GMEB2: variants seen among roughly 807,000 people sequenced by gnomAD.
The protein encoded by GMEB2 is glucocorticoid modulatory element-binding protein 2.
A neutral mutation model predicts 45.7 loss-of-function variants in GMEB2; 7 were observed. That is an observed-to-expected ratio of 0.15 (90% CI 0.09 to 0.29). The LOEUF is 0.29. GMEB2 is among the 10% of genes least tolerant of loss of function. GMEB2 has a pLI of 1.00. For synonymous variants in GMEB2, 322 were observed against 323.6 expected, an observed-to-expected ratio of 1.00 and a Z score of 0.05; for missense variants, 582 against 739.2, an observed-to-expected ratio of 0.79 and a Z score of 2.47.
At chr20:63,597,543 C>T (rs1025871218) in intron 5 of GMEB2, among the ~76,000 whole-genome samples, 10 of 152,170 alleles carry the variant, frequency 6.6e-5, no homozygotes, top group Admixed American at 5.9e-4. Context: ...ACTGACAAAA[C>T]AATTCTAAAA....
At chr20:63,608,691 C>G (rs1319862118) in intron 2 of GMEB2, among the ~76,000 whole-genome samples, 1 of 46,966 alleles carries the variant, frequency 2.1e-5, no homozygotes, top group Admixed American at 1.5e-4. Context: ...ACATGTCCCT[C>G]TGACCCCACA....
chr20:63,595,826 C>T (rs576434628), intron 5 of GMEB2, 59 bp from the exon 6 acceptor site: 2 of 1,545,654 alleles, frequency 1.3e-6, no homozygotes, highest in Non-Finnish European at 1.8e-6. Flanking sequence ...GGCACCTGGC[C>T]CGCCCACCCT....
intron 1 of GMEB2, among the ~76,000 whole-genome samples, chr20:63,626,418 CGGGTG>C: frequency 2.2e-5 from 1 of 44,516 alleles, no homozygotes; most frequent in Non-Finnish European, 6.5e-5. Flanking sequence ...CCCTGCGGGT[CGGGTG>C]CCTGCGGGGT....
intron 1 of GMEB2, among the ~76,000 whole-genome samples, chr20:63,626,059 T>A (rs934649612): frequency 6.6e-6 from 1 of 152,226 alleles, no homozygotes; most frequent in African/African-American, 2.4e-5. Flanking sequence ...ACCAAATAGA[T>A]AACATGCCAT....
At chr20:63,599,130 C>T (rs1322156780) in intron 4 of GMEB2, among the ~76,000 whole-genome samples, 2 of 152,166 alleles carry the variant, frequency 1.3e-5, no homozygotes, top group Non-Finnish European at 2.9e-5. Context: ...CACTCCTGAC[C>T]CCCCAGAGCT....
Position 63,593,702 on chromosome 20 carries a change from G to C in GMEB2, c.620-620C>G, listed in dbSNP as rs2083171079. Among the ~76,000 whole-genome samples the C allele has an allele frequency of 6.6e-6, 1 of 152,024 alleles. No homozygotes were observed. Among genetic ancestry groups the C allele is most frequent in the South Asian group, 2.1e-4 (1 of 4,824 alleles). ...GGCCATTTTGGGCGTTGCTGATAGAGACTTTATACACAGATCTGGCTTAAA... is the reference window on the plus strand; with the variant it reads ...GGCCATTTTGGGCGTTGCTGATAGACACTTTATACACAGATCTGGCTTAAA... On this transcript the variant is annotated intron_variant, in intron 6 of 9. Transcript: ENST00000370077. The surrounding 1 kb of genome is among the most constrained non-coding windows in gnomAD (Gnocchi z 4.7).
At chr20:63,598,588 G>A (rs527301509) in intron 4 of GMEB2, among the ~76,000 whole-genome samples, 16 of 152,300 alleles carry the variant, frequency 1.1e-4, no homozygotes, top group Middle Eastern at 3.4e-3. Context: ...GGAGGCCCGA[G>A]TACGGGGGCC....
chr20:63,625,822 T>G (rs1421838223), intron 1 of GMEB2, among the ~76,000 whole-genome samples: 4 of 152,044 alleles, frequency 2.6e-5, no homozygotes, highest in African/African-American at 4.8e-5. Context: ...GCTCTCAAAC[T>G]CCTGACCTCA....
chr20:63,602,124 T>C (rs1047728892), intron 4 of GMEB2, among the ~76,000 whole-genome samples: 3 of 152,262 alleles, frequency 2.0e-5, no homozygotes, highest in African/African-American at 7.2e-5. Context: ...AAACCTGAGA[T>C]AAAGGTGAAT....
intron 2 of GMEB2, among the ~76,000 whole-genome samples, chr20:63,609,752 AC>A (rs146705127): frequency 3.2e-4 from 18 of 56,450 alleles, no homozygotes; most frequent in African/African-American, 7.9e-4. Context: ...TGTCCCTCTG[AC>A]CCCACCTCCA....
chr20:63,593,151 C>A lies in GMEB2; in HGVS notation c.620-69G>T. 1 of 867,128 alleles carries A rather than the reference C, an allele frequency of 1.2e-6. No homozygotes were observed. The highest frequency in any genetic ancestry group is 1.9e-6 in the Non-Finnish European group (1 of 516,872). The allele number at this position is 867,128 out of a possible 1,614,324, so 53.7% of individuals were successfully genotyped here. A position where few individuals can be genotyped will look rare whatever the true frequency, so the allele number is the denominator to read the frequency against. ...AGTCCCACACCCCACATACCCTGTC[C>A]ACCCTCCTCACACCACCTTCTGAAC... is the stretch of plus-strand genomic sequence containing the variant. On this transcript the variant is annotated intron_variant, in intron 6 of 9. Transcript: ENST00000370077. The surrounding 1 kb of genome is among the most constrained non-coding windows in gnomAD (Gnocchi z 4.7).
chr20:63,614,308 T>C (rs1182725410), intron 2 of GMEB2, among the ~76,000 whole-genome samples: 2 of 152,110 alleles, frequency 1.3e-5, no homozygotes, highest in Non-Finnish European at 2.9e-5. Flanking sequence ...AACTAGGCCA[T>C]ACAGAGATAG....
Position 63,592,250 on chromosome 20 carries a change from T to C in GMEB2, c.830-106A>G, listed in dbSNP as rs2083153677. 9.3e-6 allele frequency: 10 copies of C among 1,073,814 alleles called. No individual in the cohort carries two copies. The highest frequency in any genetic ancestry group is 1.4e-5 in the Non-Finnish European group (10 of 738,698). The allele number at this position is 1,073,814 out of a possible 1,614,324, so 66.5% of individuals were successfully genotyped here. A position where few individuals can be genotyped will look rare whatever the true frequency, so the allele number is the denominator to read the frequency against. ...CCTTCCTAGAGAGTCACGTGGACGCTCGGTGAGAGCCTGGGCTCTTCCTAG... is the reference window on the plus strand; with the variant it reads ...CCTTCCTAGAGAGTCACGTGGACGCCCGGTGAGAGCCTGGGCTCTTCCTAG... On this transcript the variant is annotated intron_variant, in intron 8 of 9. Transcript: ENST00000370077. The surrounding 1 kb of genome is among the most constrained non-coding windows in gnomAD (Gnocchi z 8.2).
intron 2 of GMEB2, among the ~76,000 whole-genome samples, chr20:63,616,803 A>G (rs1601031618): frequency 1.3e-5 from 2 of 152,224 alleles, no homozygotes; most frequent in African/African-American, 4.8e-5. Flanking sequence ...GCCCCTGCCT[A>G]CAGGACCCTG....
At chr20:63,624,089 G>A (rs537366615) in intron 1 of GMEB2, among the ~76,000 whole-genome samples, 31 of 147,714 alleles carry the variant, frequency 2.1e-4, no homozygotes, top group Non-Finnish European at 4.0e-4. Flanking sequence ...CAGCCTGGGC[G>A]ACAGAGCAAG....
Position 63,593,457 on chromosome 20 carries a change from C to T in GMEB2, c.620-375G>A, listed in dbSNP as rs748674955. Among the ~76,000 whole-genome samples, 6 of 151,964 alleles carry T rather than the reference C, an allele frequency of 3.9e-5. No individual in the cohort carries two copies. The highest frequency in any genetic ancestry group is 2.1e-4 in the South Asian group (1 of 4,808). ...CCTTCTGCTTGACTTGTTTTCCCAC[C>T]GAGAGCTCTGCGGCTGCGTCTGTCG... On this transcript the variant is annotated intron_variant, in intron 6 of 9. Transcript: ENST00000370077. The surrounding 1 kb of genome is among the most constrained non-coding windows in gnomAD (Gnocchi z 4.7).
At position 63,592,650 on chromosome 20, in the gene GMEB2, G is replaced by T; in HGVS notation, c.712C>A (p.Arg238=). Reference sequence around the variant, plus strand: ...AGCAGGCCGGCGTCCTTCAGCCCCCGCCAGAAGGTAAATGTGTCATCTGTG... The same window carrying T: ...AGCAGGCCGGCGTCCTTCAGCCCCCTCCAGAAGGTAAATGTGTCATCTGTG... ...AIGDDTFTFW[R]GLKDAGLLDE... is the part of the protein sequence containing the mutation. The change falls in exon 8 of 10, where the codon CGG becomes AGG. Residue 238 remains arginine, a synonymous_variant. Coordinates refer to ENST00000370077, the MANE Select transcript of GMEB2 (RefSeq NM_012384.5). This position sits in a 1 kb window ranked among gnomAD's most constrained non-coding sequence, Gnocchi z 8.2. 1 of 1,613,182 alleles carries T rather than the reference G, an allele frequency of 6.2e-7. No homozygotes were observed. Among genetic ancestry groups the T allele is most frequent in the Non-Finnish European group, 8.5e-7 (1 of 1,179,264 alleles).
intron 1 of GMEB2, among the ~76,000 whole-genome samples, chr20:63,625,091 C>T (rs1261459429): frequency 1.3e-5 from 2 of 152,214 alleles, no homozygotes; most frequent in Non-Finnish European, 1.5e-5. Context: ...ATACAATGCT[C>T]TTTAGACACA....
intron 2 of GMEB2, among the ~76,000 whole-genome samples, chr20:63,616,660 G>T (rs2089610749): frequency 6.6e-6 from 1 of 152,168 alleles, no homozygotes; most frequent in South Asian, 2.1e-4. Flanking sequence ...AAATCTAGAG[G>T]CGTGGCACAT....
Sources: allele counts gnomAD v4.1 joint callset (sites outside exome capture counted in the v4.1 genomes callset), GRCh38; gene constraint gnomAD v4.1.1; non-coding constraint Gnocchi (gnomAD v3.1); transcripts MANE v1.5; gene names NCBI Gene and HGNC (gene_info 2026-07-23, HGNC 2026-07-21).